Variants in POLD3 observed in about 807,000 individuals in gnomAD.
POLD3 encodes DNA polymerase delta 3, accessory subunit.
Under a neutral mutation model 58.2 loss-of-function variants are expected in POLD3, and 19 were observed. The ratio of observed to expected loss-of-function variants is 0.33; its 90% CI spans 0.23 to 0.48. POLD3 has a LOEUF of 0.48. Ranked by LOEUF, POLD3 falls within the 20% of genes least tolerant of loss-of-function variation. The pLI is 0.99. For synonymous variants in POLD3, 172 were observed against 193.5 expected, an observed-to-expected ratio of 0.89 and a Z score of 0.92; for missense variants, 504 against 545.5, an observed-to-expected ratio of 0.92 and a Z score of 0.76.
chr11:74,613,679 C>T (rs2031988365), intron 5 of POLD3, among the ~76,000 whole-genome samples: 1 of 152,146 alleles, frequency 6.6e-6, no homozygotes, highest in Non-Finnish European at 1.5e-5. Flanking sequence ...CATTGAGCAC[C>T]TACTACTTTG....
chr11:74,653,321 A>G (rs944891041), intron 4 of POLD3, among the ~76,000 whole-genome samples: 1 of 134,192 alleles, frequency 7.5e-6, no homozygotes, highest in East Asian at 2.1e-4. Context: ...CCTAAGAGAG[A>G]TACACACACA....
chr11:74,608,984 G>A (rs879451895), intron 3 of POLD3, among the ~76,000 whole-genome samples: 1 of 152,084 alleles, frequency 6.6e-6, no homozygotes, highest in Non-Finnish European at 1.5e-5. Context: ...TTGATGTTTA[G>A]ATTGCTGTTT....
intron 4 of POLD3, among the ~76,000 whole-genome samples, chr11:74,664,637 C>CAA (rs35334799): frequency 5.7e-4 from 86 of 151,180 alleles, no homozygotes; most frequent in African/African-American, 1.8e-3. Flanking sequence ...CAGAAATCCT[C>CAA]AAAAAAAAAT....
intron 4 of POLD3, among the ~76,000 whole-genome samples, chr11:74,657,528 C>T (rs1010355920): frequency 1.7e-5 from 2 of 119,020 alleles, no homozygotes; most frequent in Admixed American, 8.8e-5. Flanking sequence ...CATAAACAAA[C>T]AAAAAGAAAA....
At chr11:74,657,694 C>A (rs2033154628) in intron 4 of POLD3, among the ~76,000 whole-genome samples, 1 of 152,176 alleles carries the variant, frequency 6.6e-6, no homozygotes, top group Non-Finnish European at 1.5e-5. Context: ...ACCACAGTTA[C>A]AGTGTTATAA....
chr11:74,651,827 G>A (rs1043216989), intron 4 of POLD3, among the ~76,000 whole-genome samples: 1 of 152,188 alleles, frequency 6.6e-6, no homozygotes, highest in Non-Finnish European at 1.5e-5. Flanking sequence ...GTCGGCTATG[G>A]TAAGGATTCT....
intron 4 of POLD3, among the ~76,000 whole-genome samples, chr11:74,653,830 C>T (rs1467593527): frequency 6.6e-6 from 1 of 152,020 alleles, no homozygotes; most frequent in African/African-American, 2.4e-5. Flanking sequence ...ATACCTAAGA[C>T]TGGGTAATTT....
chr11:74,599,950 A>G (rs1017714301), intron 2 of POLD3, among the ~76,000 whole-genome samples: 6 of 140,020 alleles, frequency 4.3e-5, no homozygotes, highest in Non-Finnish European at 9.2e-5. Context: ...TGTTGTTATT[A>G]TTATTATTTT....
rs1565114139 is a variant in POLD3, at chr11:74,607,248, T to TATATGTA, written c.219+2454_219+2455insATATGTA. Among the ~76,000 whole-genome samples, 357 of 95,976 alleles carry TATATGTA rather than the reference T, an allele frequency of 3.7e-3. 4 individuals are homozygous for TATATGTA. Among genetic ancestry groups the TATATGTA allele is most frequent in the African/African-American group, 0.016 (339 of 21,146 alleles). 63.0% of individuals were successfully genotyped at this position (95,976 alleles called of 152,430 possible). A position where few individuals can be genotyped will look rare whatever the true frequency, so the allele number is the denominator to read the frequency against. On this transcript the variant is annotated intron_variant, in intron 3 of 11. Transcript: ENST00000263681. ...GGAATTTATTATTATTATTATATAT[T>TATATGTA]TATTTATTTATTTATTTATTTATTT...
intron 2 of POLD3, among the ~76,000 whole-genome samples, chr11:74,596,604 A>G (rs2031267926): frequency 6.6e-6 from 1 of 152,196 alleles, no homozygotes; most frequent in South Asian, 2.1e-4. Flanking sequence ...TACATCACAC[A>G]GTTATTTTGG....
chr11:74,612,115 G>A (rs879388619), intron 4 of POLD3, among the ~76,000 whole-genome samples: 28 of 152,262 alleles, frequency 1.8e-4, no homozygotes, highest in Middle Eastern at 3.4e-3. Context: ...GACTGAGGAG[G>A]GTGGAGGGCA....
rs977358248 is a variant in POLD3 at position 74,625,492 on chromosome 11, C to T, written c.818C>T (p.Pro273Leu). 6.2e-7 allele frequency: 1 copy of T among 1,613,464 alleles called. No homozygotes were observed. Among genetic ancestry groups the T allele is most frequent in the Admixed American group, 1.7e-5 (1 of 59,960 alleles). Reference protein sequence around the residue: ...VEQPTVSVTEPKLATPAGLKK... With the variant: ...VEQPTVSVTELKLATPAGLKK... ...CAGCCTACAGTGTCTGTCACGGAAC[C>T]AAAGCTGGCAACTCCTGCAGGCCTG... Residue 273 changes from proline (P) to leucine (L), a missense_variant, in exon 8 of 12, where the codon CCA (proline) becomes CTA (leucine). Coordinates refer to ENST00000263681, the MANE Select transcript of POLD3 (RefSeq NM_006591.3).
At chr11:74,666,026 A>G (rs2033264001) in intron 4 of POLD3, among the ~76,000 whole-genome samples, 1 of 152,212 alleles carries the variant, frequency 6.6e-6, no homozygotes, top group South Asian at 2.1e-4. Context: ...TAAAAAACCT[A>G]TTAAACCCAA....
At position 74,592,603 on chromosome 11, in the gene POLD3, G is replaced by A. The variant is rs889650002; in HGVS notation, c.-56G>A. The A allele has an allele frequency of 1.1e-5, 18 of 1,606,168 alleles. No individual in the cohort carries two copies. The Middle Eastern group carries it at 4.9e-4, about 44-fold the overall frequency. The stretch of plus-strand genomic sequence containing the variant: ...GAGCAAAGACGTTTCCCGCCGGCGG[G>A]AGCTGTGGCTGTGATTGAGAGAGGG... On this transcript the variant is annotated 5_prime_UTR_variant, in exon 1 of 12. Transcript: ENST00000263681.
At chr11:74,653,333 A>ACACACACACACACACG (rs58331480) in intron 4 of POLD3, among the ~76,000 whole-genome samples, 72,374 of 151,664 alleles carry the variant, frequency 0.48, 17,437 homozygotes, top group Non-Finnish European at 0.51. Flanking sequence ...ACACACACAC[A>ACACACACACACACACG]TAGTGTGGTC....
chr11:74,622,874 AAACT>A (rs940037384), intron 7 of POLD3, among the ~76,000 whole-genome samples: 64 of 152,378 alleles, frequency 4.2e-4, no homozygotes, highest in African/African-American at 1.5e-3. Flanking sequence ...GTCCACACAA[AAACT>A]TGTACAAGAT....
At chr11:74,607,622 T>A (rs181646641) in intron 3 of POLD3, among the ~76,000 whole-genome samples, 1 of 151,814 alleles carries the variant, frequency 6.6e-6, no homozygotes, top group African/African-American at 2.4e-5. Context: ...CACTTTGTCA[T>A]CCAGGCTATA....
downstream of POLD3, among the ~76,000 whole-genome samples, chr11:74,644,396 G>A (rs914733242): frequency 6.6e-6 from 1 of 152,214 alleles, no homozygotes; most frequent in African/African-American, 2.4e-5. Flanking sequence ...TGAGAAGGCA[G>A]TATTGCTTTC....
chr11:74,640,329 G>A (rs2032876295), intron 11 of POLD3, among the ~76,000 whole-genome samples: 3 of 152,196 alleles, frequency 2.0e-5, no homozygotes, highest in African/African-American at 7.2e-5. Flanking sequence ...AGCTGTGAGG[G>A]AGAAAAGTGA....
Sources: gnomAD v4.1 joint callset for allele counts (sites outside exome capture counted in the v4.1 genomes callset) on GRCh38, gnomAD v4.1.1 for gene constraint, MANE v1.5 for transcripts, NCBI Gene and HGNC (gene_info 2026-07-23, HGNC 2026-07-21) for gene names.